The following ZBTB20 variants were observed in gnomAD, a reference collection of about 807,000 sequenced individuals.
The protein encoded by ZBTB20 is zinc finger and BTB domain containing 20, also known as zinc finger and BTB domain-containing protein 20.
A neutral mutation model predicts 56.9 loss-of-function variants in ZBTB20; 9 were observed. That is an observed-to-expected ratio of 0.16 (90% CI 0.10 to 0.28). ZBTB20 has a LOEUF of 0.28. Among genes scored for constraint, ZBTB20 ranks in the 10% least tolerant of loss-of-function variants. The pLI is 1.00. For missense variants in ZBTB20, 655 were observed against 1,003.0 expected (o/e 0.65, Z 4.69); for synonymous variants, 417 against 420.7 (o/e 0.99, Z 0.11).
At chr3:114,630,670 T>C (rs1004571775) in intron 6 of ZBTB20, among the ~76,000 whole-genome samples, 13 of 152,200 alleles carry the variant, frequency 8.5e-5, no homozygotes, top group African/African-American at 3.1e-4. Context: ...AAGTAGTGCA[T>C]GACAACCAGG....
intron 6 of ZBTB20, among the ~76,000 whole-genome samples, chr3:114,655,141 T>A (rs549151913): frequency 2.7e-4 from 41 of 152,230 alleles, no homozygotes; most frequent in Non-Finnish European, 3.1e-4. Flanking sequence ...GTGAATGGAA[T>A]TATTGCTACA....
chr3:114,657,881 T>C (rs1484413083), intron 6 of ZBTB20, among the ~76,000 whole-genome samples: 3 of 152,116 alleles, frequency 2.0e-5, no homozygotes, highest in African/African-American at 7.2e-5. Flanking sequence ...TGTGGAAATA[T>C]TTGTCCTGAA....
chr3:114,517,231 T>C (rs978430665), intron 6 of ZBTB20, among the ~76,000 whole-genome samples: 8 of 152,226 alleles, frequency 5.3e-5, no homozygotes, highest in Middle Eastern at 3.2e-3. Context: ...CAGACATCGT[T>C]CTAGGCACAG....
chr3:115,061,774 T>C (rs965263916), intron 2 of ZBTB20, among the ~76,000 whole-genome samples: 1 of 152,152 alleles, frequency 6.6e-6, no homozygotes, highest in Non-Finnish European at 1.5e-5. Flanking sequence ...GCTGAAACTA[T>C]TTAATATGGG....
chr3:114,829,382 AG>A (rs2073718896), intron 4 of ZBTB20, among the ~76,000 whole-genome samples: 1 of 151,854 alleles, frequency 6.6e-6, no homozygotes, highest in African/African-American at 2.4e-5. Flanking sequence ...CTTCAAACAC[AG>A]GTCAATGTTT....
chr3:114,841,361 C>T (rs1451406772), intron 4 of ZBTB20, among the ~76,000 whole-genome samples: 1 of 152,022 alleles, frequency 6.6e-6, no homozygotes, highest in Non-Finnish European at 1.5e-5. Context: ...GAGCATGGTG[C>T]ACCGAAGGCA....
intron 5 of ZBTB20, among the ~76,000 whole-genome samples, chr3:114,788,157 AT>A (rs1291671992): frequency 6.6e-6 from 1 of 152,116 alleles, no homozygotes; most frequent in South Asian, 2.1e-4. Context: ...TTTCACTGAT[AT>A]TTTTAAAGAG....
intron 10 of ZBTB20, among the ~76,000 whole-genome samples, chr3:114,373,841 A>G (rs1276882102): frequency 6.6e-6 from 1 of 152,208 alleles, no homozygotes; most frequent in African/African-American, 2.4e-5. Flanking sequence ...ACTACCAGAA[A>G]TTACTGCATT....
chr3:114,355,797 T>C (rs1000368662), intron 10 of ZBTB20, among the ~76,000 whole-genome samples: 1 of 151,696 alleles, frequency 6.6e-6, no homozygotes, highest in Non-Finnish European at 1.5e-5. Context: ...TATTCTTTCT[T>C]AGATTGGCAC....
chr3:114,516,739 T>C (rs192471555), intron 6 of ZBTB20, among the ~76,000 whole-genome samples: 6 of 152,266 alleles, frequency 3.9e-5, no homozygotes, highest in African/African-American at 9.6e-5. Flanking sequence ...GAGAACATCA[T>C]GTGACGATGA....
In ZBTB20 at chr3:114,726,911, C is replaced by CAAAAAAAAAAA. The variant is rs35565597; in HGVS notation, c.-342-33347_-342-33337dup. On this transcript the variant is annotated intron_variant, in intron 5 of 11. Coordinates refer to ENST00000675478, the MANE Select transcript of ZBTB20 (RefSeq NM_001348800.3). ...TGGGCAAGAGAGAGAGACTCCATCA[C>CAAAAAAAAAAA]AAAAAAAAAAAAAAAAAAAAAAAAA... 1.0e-4 allele frequency among the ~76,000 whole-genome samples: 5 copies of CAAAAAAAAAAA among 49,292 alleles called. 1 individual carries two copies. Among genetic ancestry groups the CAAAAAAAAAAA allele is most frequent in the Non-Finnish European group, 9.6e-5 (3 of 31,156 alleles). 32.3% of individuals were successfully genotyped at this position (49,292 alleles called of 152,430 possible).
At chr3:115,062,488 T>C (rs2082046920) in intron 2 of ZBTB20, among the ~76,000 whole-genome samples, 1 of 152,152 alleles carries the variant, frequency 6.6e-6, no homozygotes, top group Admixed American at 6.6e-5. Context: ...CTGCCTCTCT[T>C]ATGTCTAAAA....
intron 5 of ZBTB20, among the ~76,000 whole-genome samples, chr3:114,781,117 T>G (rs1056189263): frequency 6.6e-6 from 1 of 152,166 alleles, no homozygotes; most frequent in Non-Finnish European, 1.5e-5. Flanking sequence ...CTAATATGTA[T>G]TCACAAAAGT....
At chr3:114,536,557 T>C (rs531304544) in intron 6 of ZBTB20, among the ~76,000 whole-genome samples, 36 of 152,250 alleles carry the variant, frequency 2.4e-4, no homozygotes, top group Non-Finnish European at 4.9e-4. Context: ...AAAATGGCCA[T>C]ACTGCCCAAA....
At chr3:114,449,617 A>G (rs2091475992) in intron 7 of ZBTB20, among the ~76,000 whole-genome samples, 1 of 151,734 alleles carries the variant, frequency 6.6e-6, no homozygotes, top group African/African-American at 2.4e-5. Flanking sequence ...CCAGAGGCAA[A>G]CTATGACTAC....
At chr3:114,861,216 TCTAC>T (rs1056862369) in intron 4 of ZBTB20, among the ~76,000 whole-genome samples, 2 of 152,026 alleles carry the variant, frequency 1.3e-5, no homozygotes, top group Non-Finnish European at 2.9e-5. Context: ...CCAACTTTAC[TCTAC>T]CTATCTCACT....
At chr3:114,419,829 C>T (rs1335232754) in intron 7 of ZBTB20, among the ~76,000 whole-genome samples, 1 of 152,022 alleles carries the variant, frequency 6.6e-6, no homozygotes, top group Admixed American at 6.6e-5. Flanking sequence ...GGCAATGGCC[C>T]TTATTATGAA....
chr3:114,815,734 C>T (rs545961833), intron 4 of ZBTB20, among the ~76,000 whole-genome samples: 17 of 152,084 alleles, frequency 1.1e-4, no homozygotes, highest in African/African-American at 3.6e-4. Context: ...ACACACAAAA[C>T]ACGCACACGC....
chr3:115,050,510 AAC>A (rs1482217596), intron 2 of ZBTB20, among the ~76,000 whole-genome samples: 1 of 151,986 alleles, frequency 6.6e-6, no homozygotes, highest in Non-Finnish European at 1.5e-5. Context: ...TATATTATCA[AAC>A]ACCTTTATGT....
Sources: gnomAD v4.1 joint callset for allele counts (sites outside exome capture counted in the v4.1 genomes callset) on GRCh38, gnomAD v4.1.1 for gene constraint, MANE v1.5 for transcripts, NCBI Gene and HGNC (gene_info 2026-07-23, HGNC 2026-07-21) for gene names.